Variants in SCUBE3 observed in about 807,000 individuals in gnomAD.
SCUBE3 encodes signal peptide, CUB domain and EGF like domain containing 3.
Under a neutral mutation model 116.8 loss-of-function variants are expected in SCUBE3, and 33 were observed. That is an observed-to-expected ratio of 0.28 (90% CI 0.21 to 0.38). SCUBE3 has a LOEUF of 0.38. Among genes scored for constraint, SCUBE3 ranks in the 10% least tolerant of loss-of-function variants. The probability of loss-of-function intolerance (pLI) is 1.00; values close to 1 mark genes in which losing one functional copy is unlikely to be tolerated. For synonymous variants in SCUBE3, 418 were observed against 496.9 expected, an observed-to-expected ratio of 0.84 and a Z score of 2.11; for missense variants, 1,007 against 1,324.8, an observed-to-expected ratio of 0.76 and a Z score of 3.72.
chr6:35,246,848 AGG>A (rs1784361797), intron 21 of SCUBE3, among the ~76,000 whole-genome samples: 5 of 151,842 alleles, frequency 3.3e-5, no homozygotes, highest in African/African-American at 1.2e-4. Context: ...GTGCGGTGGC[AGG>A]CGCCTGTAAT....
intron 3 of SCUBE3, among the ~76,000 whole-genome samples, chr6:35,229,412 T>A (rs567327226): frequency 1.3e-5 from 2 of 151,982 alleles, no homozygotes; most frequent in Admixed American, 6.6e-5. Flanking sequence ...AAAATAACAA[T>A]AAAATAGAAT....
chr6:35,231,788 G>A lies in SCUBE3; in HGVS notation c.398G>A (p.Ser133Asn). Residue 133 changes from serine to asparagine, a missense_variant, in exon 4 of 22, where the codon AGC becomes AAC. Ser to Asn is a conservative substitution (Grantham distance 46). Coordinates refer to ENST00000274938, the MANE Select transcript of SCUBE3 (RefSeq NM_152753.4). The surrounding 1 kb of genome is among the most constrained non-coding windows in gnomAD (Gnocchi z 4.2). ...CAGAGCTGTGTCAACATGATGGGCA[G>A]CTATGAGTGCCACTGCCGGGAAGGC... Reference protein sequence around the residue: ...CQQSCVNMMGSYECHCREGFF... With the variant: ...CQQSCVNMMGNYECHCREGFF... 2 of 1,613,668 alleles carry A rather than the reference G, an allele frequency of 1.2e-6. No individual in the cohort carries two copies. Among genetic ancestry groups the A allele is most frequent in the Non-Finnish European group, 1.7e-6 (2 of 1,179,648 alleles).
chr6:35,239,675 T>A lies in SCUBE3; in HGVS notation c.830-77T>A. 3 of 1,408,020 alleles carry A rather than the reference T, an allele frequency of 2.1e-6. No homozygotes were observed. Among genetic ancestry groups the A allele is most frequent in the Non-Finnish European group, 3.0e-6 (3 of 1,012,188 alleles). 87.2% of individuals were successfully genotyped at this position (1,408,020 alleles called of 1,614,324 possible). ...CTTGATTTTTGCATGTCTCTGTCAG[T>A]GAGGGAGGGATCTTTCTCCTTGTTT... On this transcript the variant is annotated intron_variant, in intron 7 of 21. Coordinates refer to ENST00000274938, the MANE Select transcript of SCUBE3 (RefSeq NM_152753.4). The surrounding 1 kb of genome is among the most constrained non-coding windows in gnomAD (Gnocchi z 4.1).
Position 35,240,672 on chromosome 6 carries a change from G to T in SCUBE3, c.1069+182G>T, listed in dbSNP as rs550622830. On this transcript the variant is annotated intron_variant, in intron 9 of 21. Transcript: ENST00000274938. The surrounding 1 kb of genome is among the most constrained non-coding windows in gnomAD (Gnocchi z 4.6). ...GCTTTTGAAGAACTGGGAGACTGCG[G>T]AAACAGCATCCTGCCTCCAAAATTC... Among the ~76,000 whole-genome samples, 1 of 152,306 alleles carries T rather than the reference G, an allele frequency of 6.6e-6. No individual in the cohort carries two copies. The highest frequency in any genetic ancestry group is 2.1e-4 in the South Asian group (1 of 4,828).
chr6:35,231,072 G>A lies in SCUBE3; in HGVS notation c.335-653G>A, dbSNP rs899929933. On this transcript the variant is annotated intron_variant, in intron 3 of 21. Coordinates refer to ENST00000274938, the MANE Select transcript of SCUBE3 (RefSeq NM_152753.4). The surrounding 1 kb of genome is among the most constrained non-coding windows in gnomAD (Gnocchi z 4.2). Reference sequence around the variant, plus strand: ...GGCAGCTCTCCCCAGATCCCTCCCCGCCAAGTTGTCAGACTTTGTTTTGTT... The same window carrying A: ...GGCAGCTCTCCCCAGATCCCTCCCCACCAAGTTGTCAGACTTTGTTTTGTT... 5.4e-5 allele frequency among the ~76,000 whole-genome samples: 8 copies of A among 148,096 alleles called. No homozygotes were observed. Among genetic ancestry groups the A allele is most frequent in the South Asian group, 2.3e-4 (1 of 4,370 alleles).
In SCUBE3 at chr6:35,214,556, G is replaced by A; in HGVS notation, c.85+53G>A. The A allele has an allele frequency of 8.5e-7, 1 of 1,183,050 alleles. No individual in the cohort carries two copies. 73.3% of individuals were successfully genotyped at this position (1,183,050 alleles called of 1,614,324 possible). On this transcript the variant is annotated intron_variant, in intron 1 of 21. Transcript: ENST00000274938. This position sits in a 1 kb window ranked among gnomAD's most constrained non-coding sequence, Gnocchi z 6.3. ...GGGCTGTCCTGGCTGCTGGGCCTCA[G>A]GGCCTAGGAGCGATTCCCGAGGGGC...
At position 35,214,212 on chromosome 6, in the gene SCUBE3, C is replaced by T; in HGVS notation, c.-207C>T. On this transcript the variant is annotated 5_prime_UTR_variant, in exon 1 of 22. Coordinates refer to ENST00000274938, the MANE Select transcript of SCUBE3 (RefSeq NM_152753.4). This position sits in a 1 kb window ranked among gnomAD's most constrained non-coding sequence, Gnocchi z 6.3. ...CTCGTCGCACTCTCCGCCTCGCTCT[C>T]CCCGACGTCCGGCCAGGAGGAGCCG... Among the ~76,000 whole-genome samples, 1 of 152,166 alleles carries T rather than the reference C, an allele frequency of 6.6e-6. No individual in the cohort carries two copies. The highest frequency in any genetic ancestry group is 1.9e-4 in the East Asian group (1 of 5,164).
intron 21 of SCUBE3, among the ~76,000 whole-genome samples, chr6:35,247,237 C>T (rs999067288): frequency 6.6e-6 from 1 of 151,880 alleles, no homozygotes; most frequent in Non-Finnish European, 1.5e-5. Context: ...GAGTTCCAGA[C>T]CAGCCTGGCC....
rs1360540111 is a variant in SCUBE3, at chr6:35,228,634, G to A, written c.229G>A (p.Glu77Lys). 3 of 1,614,052 alleles carry A rather than the reference G, an allele frequency of 1.9e-6. No homozygotes were observed. In the African/African-American group the frequency reaches 4.0e-5, roughly 22 times the overall value. Residue 77 changes from glutamate (E) to lysine (K), a missense_variant, in exon 3 of 22, where the codon GAG becomes AAG. This residue lies in a region of SCUBE3 where 37 missense variants were observed against 80.6 expected (regional missense o/e 0.46). Coordinates refer to ENST00000274938, the MANE Select transcript of SCUBE3 (RefSeq NM_152753.4). The surrounding 1 kb of genome is among the most constrained non-coding windows in gnomAD (Gnocchi z 4.9). ...HCKDVDECEREDNAGCVHDCV... is the reference protein window; with the variant it reads ...HCKDVDECERKDNAGCVHDCV... ...CACAGACGTGGATGAGTGCGAGCGA[G>A]AGGATAATGCAGGTTGTGTGCATGA...
Position 35,252,691 on chromosome 6 carries a change from C to G in SCUBE3, c.*3986C>G, listed in dbSNP as rs1784595226. The G allele has an allele frequency of 6.6e-6, 1 of 152,170 alleles. No homozygotes were observed. Among genetic ancestry groups the G allele is most frequent in the Admixed American group, 6.5e-5 (1 of 15,282 alleles). The allele number at this position is 152,170 out of a possible 1,614,324, so 9.4% of individuals were successfully genotyped here. A position where few individuals can be genotyped will look rare whatever the true frequency, so the allele number is the denominator to read the frequency against. ...AAAAGTAGCACACCCTATCCTTGTGCCATTATTTGTACAAGGAAATATATG... is the reference window on the plus strand; with the variant it reads ...AAAAGTAGCACACCCTATCCTTGTGGCATTATTTGTACAAGGAAATATATG... On this transcript the variant is annotated 3_prime_UTR_variant, in exon 22 of 22. Transcript: ENST00000274938.
Position 35,243,691 on chromosome 6 carries a change from C to A in SCUBE3, c.2007C>A (p.Cys669Ter). 1 of 1,614,064 alleles carries A rather than the reference C, an allele frequency of 6.2e-7. No individual in the cohort carries two copies. Among genetic ancestry groups the A allele is most frequent in the South Asian group, 1.1e-5 (1 of 91,088 alleles). ...TFQEREGQLS[C>*]DLCPGSDAHG... is the part of the protein sequence containing the mutation. ...AGGAGAGAGAAGGGCAGCTCTCCTGCGACCTTTGCCCTGGGAGTGATGCCC... is the reference window on the plus strand; with the variant it reads ...AGGAGAGAGAAGGGCAGCTCTCCTGAGACCTTTGCCCTGGGAGTGATGCCC... The change falls in exon 16 of 22, where the codon TGC (cysteine) becomes TGA (stop). Residue 669 changes from cysteine (C) to a stop codon, truncating the protein, a stop_gained. Coordinates refer to ENST00000274938, the MANE Select transcript of SCUBE3 (RefSeq NM_152753.4). LOFTEE classifies it high-confidence loss of function. This position sits in a 1 kb window ranked among gnomAD's most constrained non-coding sequence, Gnocchi z 6.6.
intron 1 of SCUBE3, 118 bp from the exon 2 acceptor site, chr6:35,227,462 A>AG: frequency 9.6e-7 from 1 of 1,037,008 alleles, no homozygotes; most frequent in African/African-American, 1.6e-5. Context: ...CTGTTTCTGG[A>AG]GGGGGTCACT....
In SCUBE3 at chr6:35,244,156, G is replaced by T; in HGVS notation, c.2239+26G>T. The T allele has an allele frequency of 6.3e-7, 1 of 1,599,696 alleles. No individual in the cohort carries two copies. ...GTGAGTAAGCTACTCACCTCCCTGG[G>T]GGATGCCCCAACCCCAACTACTCCC... On this transcript the variant is annotated intron_variant, in intron 17 of 21. Coordinates refer to ENST00000274938, the MANE Select transcript of SCUBE3 (RefSeq NM_152753.4). The surrounding 1 kb of genome is among the most constrained non-coding windows in gnomAD (Gnocchi z 4.3).
intron 1 of SCUBE3, chr6:35,223,711 G>A (rs746769854): frequency 1.3e-5 from 2 of 152,226 alleles, no homozygotes; most frequent in Non-Finnish European, 2.9e-5. Context: ...TGCATCCTGA[G>A]AGAACAGGCT....
chr6:35,214,600 C>A lies in SCUBE3; in HGVS notation c.85+97C>A. ...GAGGGGCAGGGCAGGTGCTGGGGAG[C>A]GTGCTGCTGTCAGAACCCGGCTCTG... On this transcript the variant is annotated intron_variant, in intron 1 of 21. Transcript: ENST00000274938. The surrounding 1 kb of genome is among the most constrained non-coding windows in gnomAD (Gnocchi z 6.3). 4 of 732,560 alleles carry A rather than the reference C, an allele frequency of 5.5e-6. No individual in the cohort carries two copies. The highest frequency in any genetic ancestry group is 7.7e-6 in the Non-Finnish European group (4 of 516,390). The allele number at this position is 732,560 out of a possible 1,614,324, so 45.4% of individuals were successfully genotyped here.
chr6:35,248,775 T>G lies in SCUBE3; in HGVS notation c.*70T>G. ...TTAGCCCTCAGAGCCGGCAGCCCCC[T>G]ACCCTCAGACAAGGAACTCTCTCCT... On this transcript the variant is annotated 3_prime_UTR_variant, in exon 22 of 22. Transcript: ENST00000274938. 3 of 1,277,536 alleles carry G rather than the reference T, an allele frequency of 2.3e-6. No individual in the cohort carries two copies. Among genetic ancestry groups the G allele is most frequent in the Non-Finnish European group, 3.3e-6 (3 of 904,058 alleles). 79.1% of individuals were successfully genotyped at this position (1,277,536 alleles called of 1,614,324 possible). A position where few individuals can be genotyped will look rare whatever the true frequency, so the allele number is the denominator to read the frequency against.
chr6:35,233,355 C>G lies in SCUBE3; in HGVS notation c.712+54C>G. The G allele has an allele frequency of 9.3e-7, 1 of 1,074,624 alleles. No individual in the cohort carries two copies. The highest frequency in any genetic ancestry group is 1.4e-6 in the Non-Finnish European group (1 of 693,460). 66.6% of individuals were successfully genotyped at this position (1,074,624 alleles called of 1,614,324 possible). A position where few individuals can be genotyped will look rare whatever the true frequency, so the allele number is the denominator to read the frequency against. On this transcript the variant is annotated intron_variant, in intron 6 of 21. Coordinates refer to ENST00000274938, the MANE Select transcript of SCUBE3 (RefSeq NM_152753.4). The surrounding 1 kb of genome is among the most constrained non-coding windows in gnomAD (Gnocchi z 5.7). Reference sequence around the variant, plus strand: ...CACCTGAGATGGGGTGGGGGTGGGACCCTTTGGGAACCAGGGAAGTGGAGG... The same window carrying G: ...CACCTGAGATGGGGTGGGGGTGGGAGCCTTTGGGAACCAGGGAAGTGGAGG...
chr6:35,241,456 T>G lies in SCUBE3; in HGVS notation c.1196-87T>G. 1.8e-6 allele frequency: 2 copies of G among 1,142,676 alleles called. No individual in the cohort carries two copies. The highest frequency in any genetic ancestry group is 3.4e-5 in the Admixed American group (2 of 58,672). The allele number at this position is 1,142,676 out of a possible 1,614,324, so 70.8% of individuals were successfully genotyped here. On this transcript the variant is annotated intron_variant, in intron 10 of 21. Coordinates refer to ENST00000274938, the MANE Select transcript of SCUBE3 (RefSeq NM_152753.4). The surrounding 1 kb of genome is among the most constrained non-coding windows in gnomAD (Gnocchi z 4.1). ...TCATCAGTCTCCATGGGTACAACAA[T>G]AGTTATGCAAGTAGCTGATTCCTCC...
rs993621086 is a variant in SCUBE3 at position 35,228,087 on chromosome 6, T to C, written c.208+385T>C. Among the ~76,000 whole-genome samples the C allele has an allele frequency of 6.6e-6, 1 of 152,230 alleles. No individual in the cohort carries two copies. The highest frequency in any genetic ancestry group is 1.5e-5 in the Non-Finnish European group (1 of 68,040). Reference sequence around the variant, plus strand: ...AGGAAGTTCATAATGTAAACACATCTTCCCCTCATAATTAAATCAATGCAA... The same window carrying C: ...AGGAAGTTCATAATGTAAACACATCCTCCCCTCATAATTAAATCAATGCAA... On this transcript the variant is annotated intron_variant, in intron 2 of 21. Coordinates refer to ENST00000274938, the MANE Select transcript of SCUBE3 (RefSeq NM_152753.4). This position sits in a 1 kb window ranked among gnomAD's most constrained non-coding sequence, Gnocchi z 4.9.
Sources: allele counts gnomAD v4.1 joint callset (sites outside exome capture counted in the v4.1 genomes callset), GRCh38; gene constraint gnomAD v4.1.1; regional missense constraint gnomAD v4.1.1; non-coding constraint Gnocchi (gnomAD v3.1); transcripts MANE v1.5; gene names NCBI Gene and HGNC (gene_info 2026-07-23, HGNC 2026-07-21).